TTBK2: variants seen among roughly 807,000 people sequenced by gnomAD.
TTBK2 encodes the protein tau tubulin kinase 2, also known as tau-tubulin kinase 2.
Under a neutral mutation model 110.8 loss-of-function variants are expected in TTBK2, and 28 were observed. That is an observed-to-expected ratio of 0.25 (90% CI 0.19 to 0.35). TTBK2 has a LOEUF of 0.35. TTBK2 is among the 10% of genes least tolerant of loss of function. The probability of loss-of-function intolerance (pLI) is 1.00; values close to 1 mark genes in which losing one functional copy is unlikely to be tolerated. For missense variants in TTBK2, 1,369 were observed against 1,500.3 expected (o/e 0.91, Z 1.45); for synonymous variants, 532 against 527.3 (o/e 1.01, Z -0.12).
Position 42,745,366 on chromosome 15 carries a change from G to A in TTBK2, c.*429C>T, listed in dbSNP as rs2061778074. 1 of 237,928 alleles carries A rather than the reference G, an allele frequency of 4.2e-6. No homozygotes were observed. Among genetic ancestry groups the A allele is most frequent in the African/African-American group, 2.3e-5 (1 of 43,562 alleles). 14.7% of individuals were successfully genotyped at this position (237,928 alleles called of 1,614,324 possible). ...TTATATAATCTAATATCTGATCAAT[G>A]ACTCTTCAGGGTGGGAAAGTTTTGA... On this transcript the variant is annotated 3_prime_UTR_variant, in exon 15 of 15. Transcript: ENST00000267890.
Position 42,740,927 on chromosome 15 carries a change from C to T in TTBK2, c.*4868G>A, listed in dbSNP as rs1005171782. On this transcript the variant is annotated 3_prime_UTR_variant, in exon 15 of 15. Transcript: ENST00000267890. The stretch of plus-strand genomic sequence containing the variant: ...GACGAAAACTTTACTGTCATAATTC[C>T]AAGTTCAGTCAGGGATTTCTCAGAA... 3 of 152,194 alleles carry T rather than the reference C, an allele frequency of 2.0e-5. No homozygotes were observed. Among genetic ancestry groups the T allele is most frequent in the Non-Finnish European group, 4.4e-5 (3 of 68,044 alleles). The allele number at this position is 152,194 out of a possible 1,614,324, so 9.4% of individuals were successfully genotyped here. A position where few individuals can be genotyped will look rare whatever the true frequency, so the allele number is the denominator to read the frequency against.
rs576304277 is a variant in TTBK2 at position 42,877,270 on chromosome 15, C to T, written c.69+1279G>A. ...ACGGACAATAAGATATTATATGCCTCCTAGTGAAGGCTCACAATAACATTT... is the reference window on the plus strand; with the variant it reads ...ACGGACAATAAGATATTATATGCCTTCTAGTGAAGGCTCACAATAACATTT... On this transcript the variant is annotated intron_variant, in intron 2 of 14. Transcript: ENST00000267890. Among the ~76,000 whole-genome samples the T allele has an allele frequency of 1.3e-3, 196 of 152,198 alleles. 1 individual carries two copies. Among genetic ancestry groups the T allele is most frequent in the Middle Eastern group, 6.8e-3 (2 of 294 alleles).
chr15:42,789,303 G>GTATA (rs3036915), intron 10 of TTBK2, among the ~76,000 whole-genome samples: 4,671 of 149,756 alleles, frequency 0.031, 104 homozygotes, highest in African/African-American at 0.045. Flanking sequence ...GTGTGTGTGT[G>GTATA]TATATATATA....
At chr15:42,802,442 A>G in intron 9 of TTBK2, 1 of 700,000 alleles carries the variant, frequency 1.4e-6, no homozygotes, top group Non-Finnish European at 2.6e-6. Flanking sequence ...ACGGAATCCC[A>G]GAAGGAGTGG....
intron 6 of TTBK2, among the ~76,000 whole-genome samples, chr15:42,817,775 C>T (rs947280355): frequency 1.3e-5 from 2 of 152,118 alleles, no homozygotes; most frequent in African/African-American, 4.8e-5. Flanking sequence ...ATGGATTTAC[C>T]ATGGTTTCTT....
intron 4 of TTBK2, among the ~76,000 whole-genome samples, chr15:42,834,183 CAAA>C (rs1261600493): frequency 5.1e-5 from 2 of 39,036 alleles, no homozygotes. Flanking sequence ...GACCCCATCT[CAAA>C]AAAAAAAAAA....
At chr15:42,905,331 T>C (rs1249131723) in intron 1 of TTBK2, among the ~76,000 whole-genome samples, 1 of 152,222 alleles carries the variant, frequency 6.6e-6, no homozygotes, top group African/African-American at 2.4e-5. Flanking sequence ...TGGAATACTG[T>C]GGCATAATCC....
chr15:42,824,724 G>A (rs1412748197), intron 6 of TTBK2, among the ~76,000 whole-genome samples: 1 of 152,032 alleles, frequency 6.6e-6, no homozygotes, highest in Non-Finnish European at 1.5e-5. Context: ...TCAGGATGGA[G>A]GGTGGGAGGA....
intron 1 of TTBK2, among the ~76,000 whole-genome samples, chr15:42,913,551 T>C (rs1219352434): frequency 6.6e-6 from 1 of 151,488 alleles, no homozygotes; most frequent in African/African-American, 2.4e-5. Context: ...GGCAGGAGAA[T>C]GGCGTGAACC....
chr15:42,862,148 A>G (rs886587256), intron 3 of TTBK2, among the ~76,000 whole-genome samples: 8 of 152,186 alleles, frequency 5.3e-5, no homozygotes, highest in African/African-American at 1.9e-4. Flanking sequence ...GCCCAATTCT[A>G]CCAGCTGCAC....
intron 1 of TTBK2, among the ~76,000 whole-genome samples, chr15:42,905,401 G>A (rs2030330072): frequency 6.6e-6 from 1 of 151,960 alleles, no homozygotes; most frequent in Non-Finnish European, 1.5e-5. Flanking sequence ...AGCCTCCCAG[G>A]TAGCTGGGAC....
intron 1 of TTBK2, among the ~76,000 whole-genome samples, chr15:42,908,030 G>A (rs2030517223): frequency 6.6e-6 from 1 of 152,124 alleles, no homozygotes; most frequent in African/African-American, 2.4e-5. Context: ...AAGTTGTGGT[G>A]AGCCAAAATC....
At chr15:42,897,863 C>G (rs1347876790) in intron 1 of TTBK2, among the ~76,000 whole-genome samples, 1 of 145,430 alleles carries the variant, frequency 6.9e-6, no homozygotes, top group East Asian at 2.0e-4. Context: ...CACACACACA[C>G]ACGGAACTTC....
At position 42,840,450 on chromosome 15, in the gene TTBK2, A is replaced by C. The variant is rs780956062; in HGVS notation, c.218-17T>G. 1.2e-6 allele frequency: 2 copies of C among 1,605,590 alleles called. No individual in the cohort carries two copies. The highest frequency in any genetic ancestry group is 2.2e-5 in the South Asian group (2 of 90,908). ...GGTCTTTCCCTGGATAAAAAAAGAA[A>C]ACAGTGGAAAAGAATATACTATGGT... On this transcript the variant is annotated splice_polypyrimidine_tract_variant and intron_variant, in intron 3 of 14. Coordinates refer to ENST00000267890, the MANE Select transcript of TTBK2 (RefSeq NM_173500.4).
chr15:42,842,824 A>G (rs1374819127), intron 3 of TTBK2, among the ~76,000 whole-genome samples: 4 of 152,150 alleles, frequency 2.6e-5, no homozygotes, highest in Non-Finnish European at 5.9e-5. Context: ...GGTATAAGCT[A>G]GCAAGAATGG....
chr15:42,843,685 G>A (rs1275426998), intron 3 of TTBK2, among the ~76,000 whole-genome samples: 1 of 151,088 alleles, frequency 6.6e-6, no homozygotes, highest in East Asian at 1.9e-4. Context: ...CTTGAACCCG[G>A]GAGGAGGAGG....
At chr15:42,850,064 T>C (rs1190485692) in intron 3 of TTBK2, among the ~76,000 whole-genome samples, 1 of 152,088 alleles carries the variant, frequency 6.6e-6, no homozygotes, top group Non-Finnish European at 1.5e-5. Flanking sequence ...TTTTCCCAAC[T>C]CTCTTCAGAC....
chr15:42,812,633 T>A (rs1891771694), intron 7 of TTBK2, among the ~76,000 whole-genome samples: 1 of 152,092 alleles, frequency 6.6e-6, no homozygotes, highest in Non-Finnish European at 1.5e-5. Context: ...AATAAGCTAA[T>A]GTCAAAAGAA....
At chr15:42,864,310 C>A (rs888540008) in intron 3 of TTBK2, among the ~76,000 whole-genome samples, 2 of 152,162 alleles carry the variant, frequency 1.3e-5, no homozygotes, top group African/African-American at 2.4e-5. Context: ...GAAGGCCAGG[C>A]GTGGTGGCTA....
Sources: gnomAD v4.1 joint callset for allele counts (sites outside exome capture counted in the v4.1 genomes callset) on GRCh38, gnomAD v4.1.1 for gene constraint, MANE v1.5 for transcripts, NCBI Gene and HGNC (gene_info 2026-07-23, HGNC 2026-07-21) for gene names.